Variants in DHTKD1 observed in about 807,000 individuals in gnomAD.
The protein encoded by DHTKD1 is 2-oxoadipate dehydrogenase complex component E1.
DHTKD1 carries 78 observed loss-of-function variants against 101.8 expected under a neutral mutation model. The ratio of observed to expected loss-of-function variants is 0.77; its 90% CI spans 0.64 to 0.93. The LOEUF (loss-of-function observed/expected upper bound fraction) is 0.93, where lower values mean the gene tolerates loss of function less well. Ranked by LOEUF, DHTKD1 falls within the 40% of genes least tolerant of loss-of-function variation. The pLI, the probability that DHTKD1 is intolerant of heterozygous loss-of-function variation, is 0.00. For missense variants in DHTKD1, 1,223 were observed against 1,161.7 expected (o/e 1.05, Z -0.77); for synonymous variants, 462 against 450.3 (o/e 1.03, Z -0.33).
intron 7 of DHTKD1, among the ~76,000 whole-genome samples, chr10:12,094,992 A>G (rs1833047329): frequency 6.6e-6 from 1 of 152,182 alleles, no homozygotes; most frequent in Non-Finnish European, 1.5e-5. Flanking sequence ...AAAAAGGGCA[A>G]TAGAAAACTC....
Position 12,113,058 on chromosome 10 carries a change from G to GCTC in DHTKD1, c.2315_2317dup (p.Leu772dup), listed in dbSNP as rs753293273. On this transcript the variant is annotated inframe_insertion, in exon 13 of 17. Transcript: ENST00000263035. ...TTGCTTCCCCTAAGATGTTACTCAGGCTCCCGGTAAGCAGAAGGTGGTGAA... is the reference window on the plus strand; with the variant it reads ...TTGCTTCCCCTAAGATGTTACTCAGGCTCCTCCCGGTAAGCAGAAGGTGGTGAA... 6.2e-7 allele frequency: 1 copy of GCTC among 1,604,450 alleles called. No individual in the cohort carries two copies. Among genetic ancestry groups the GCTC allele is most frequent in the Middle Eastern group, 1.7e-4 (1 of 6,022 alleles).
chr10:12,101,077 C>T lies in DHTKD1; in HGVS notation c.1792C>T (p.Arg598Cys), dbSNP rs375292909. 9 of 1,613,870 alleles carry T rather than the reference C, an allele frequency of 5.6e-6. No individual in the cohort carries two copies. The highest frequency in any genetic ancestry group is 5.3e-5 in the African/African-American group (4 of 74,850). ...NVRLSGQDVG[R>C]GTFSQRHAIV... ...TCGTCTAAGTGGCCAAGATGTTGGT[C>T]GTGGAACTTTCAGTCAGAGGCATGC... Residue 598 changes from arginine (R) to cysteine (C), a missense_variant, in exon 10 of 17, where the codon CGT becomes TGT. Physicochemically the swap from Arg to Cys is radical, Grantham distance 180. Transcript: ENST00000263035.
intron 7 of DHTKD1, among the ~76,000 whole-genome samples, chr10:12,096,489 G>C (rs12218181): frequency 1.3e-5 from 2 of 152,048 alleles, no homozygotes; most frequent in African/African-American, 4.8e-5. Context: ...GGGCTCAAGC[G>C]ATCCTCCCGC....
chr10:12,118,613 A>G, intron 14 of DHTKD1, 136 bp from the exon 15 acceptor site: 1 of 486,660 alleles, frequency 2.1e-6, no homozygotes, highest in East Asian at 3.3e-5. Flanking sequence ...TGATTTCCTG[A>G]CCTCGTGATC....
At chr10:12,076,183 G>A (rs887871124) in intron 1 of DHTKD1, among the ~76,000 whole-genome samples, 13 of 152,180 alleles carry the variant, frequency 8.5e-5, no homozygotes, top group African/African-American at 2.4e-4. Context: ...GGCTGCATTC[G>A]AAAGAGCTTT....
At chr10:12,101,686 C>T (rs566356230) in intron 10 of DHTKD1, among the ~76,000 whole-genome samples, 2 of 152,292 alleles carry the variant, frequency 1.3e-5, no homozygotes, top group East Asian at 3.9e-4. Context: ...TCACTGCAAC[C>T]TCCACCTCCC....
intron 12 of DHTKD1, 130 bp from the exon 13 acceptor site, chr10:12,112,770 T>C: frequency 1.1e-6 from 1 of 882,322 alleles, no homozygotes; most frequent in Non-Finnish European, 1.7e-6. Flanking sequence ...GATATTTTTC[T>C]GTAATGTTGG....
intron 6 of DHTKD1, 81 bp downstream of exon 6, chr10:12,091,765 G>A (rs1389255855): frequency 3.5e-6 from 4 of 1,129,808 alleles, no homozygotes; most frequent in Admixed American, 2.3e-5. Context: ...ACAGAACAAT[G>A]AGCCTCACTG....
intron 6 of DHTKD1, 122 bp downstream of exon 6, chr10:12,091,806 T>G: frequency 5.1e-5 from 33 of 646,056 alleles, no homozygotes; most frequent in Non-Finnish European, 7.3e-5. Context: ...ATTAATTAAT[T>G]AATTAATTAA....
chr10:12,116,580 G>A (rs774737648), intron 13 of DHTKD1, among the ~76,000 whole-genome samples: 4 of 151,442 alleles, frequency 2.6e-5, no homozygotes, highest in Non-Finnish European at 4.4e-5. Context: ...TAGTAGAGAC[G>A]GGGTTTCACC....
chr10:12,080,836 A>T (rs116609553), intron 1 of DHTKD1, among the ~76,000 whole-genome samples: 1 of 151,982 alleles, frequency 6.6e-6, no homozygotes, highest in African/African-American at 2.4e-5. Flanking sequence ...AGAGGCCAAG[A>T]TGAGTGAATC....
rs1322180469 is a variant in DHTKD1 at position 12,120,188 on chromosome 10, T to G, written c.2579T>G (p.Ile860Ser). The G allele has an allele frequency of 6.2e-7, 1 of 1,613,568 alleles. No homozygotes were observed. Among genetic ancestry groups the G allele is most frequent in the East Asian group, 2.2e-5 (1 of 44,862 alleles). The change falls in exon 16 of 17, where the codon ATT becomes AGT. Residue 860 changes from isoleucine to serine, a missense_variant. By Grantham distance (142) the Ile-to-Ser change is moderately radical. Coordinates refer to ENST00000263035, the MANE Select transcript of DHTKD1 (RefSeq NM_018706.7). ...AGAATTTCTTCTCTCATAGATCATA[T>G]TTGGAGTCAGGAGGAACCTCAGAAC... ...MSKYKHVKDHIWSQEEPQNMG... is the reference protein window; with the variant it reads ...MSKYKHVKDHSWSQEEPQNMG...
chr10:12,069,149 A>C lies in DHTKD1; in HGVS notation c.116A>C (p.Glu39Ala), dbSNP rs1426707768. The stretch of plus-strand genomic sequence containing the variant: ...TACGGCTACCGGCCGAGGAAGCCCG[A>C]GAGCCGCGAGCCCCAGGGCGCCCTG... ...GVYGYRPRKP[E>A]SREPQGALER... is the part of the protein sequence containing the mutation. The change falls in exon 1 of 17, where the codon GAG becomes GCG. Residue 39 changes from glutamate to alanine, a missense_variant. Physicochemically the swap from Glu to Ala is moderately radical, Grantham distance 107. Transcript: ENST00000263035. 6.4e-7 allele frequency: 1 copy of C among 1,572,558 alleles called. No homozygotes were observed. Among genetic ancestry groups the C allele is most frequent in the African/African-American group, 1.4e-5 (1 of 73,480 alleles).
chr10:12,081,690 G>A (rs1021626029), intron 2 of DHTKD1, 63 bp downstream of exon 2: 15 of 1,588,900 alleles, frequency 9.4e-6, no homozygotes, highest in Non-Finnish European at 1.2e-5. Context: ...TCCTGCCTCT[G>A]TTCTTGAAGA....
At chr10:12,109,501 T>G (rs766193334) in intron 12 of DHTKD1, among the ~76,000 whole-genome samples, 88 of 149,714 alleles carry the variant, frequency 5.9e-4, no homozygotes, top group Non-Finnish European at 1.1e-3. Flanking sequence ...CTGGAAGAAG[T>G]CATCGAAGCA....
At position 12,113,030 on chromosome 10, in the gene DHTKD1, T is replaced by C. The variant is rs773205356; in HGVS notation, c.2285T>C (p.Ile762Thr). The change falls in exon 13 of 17, where the codon ATT (isoleucine) becomes ACT (threonine). Residue 762 changes from isoleucine to threonine, a missense_variant. Transcript: ENST00000263035. ...QMVRNFRKPLIVASPKMLLRL... is the reference protein window; with the variant it reads ...QMVRNFRKPLTVASPKMLLRL... ...GTCCGGAACTTCAGAAAACCACTCATTGTTGCTTCCCCTAAGATGTTACTC... is the reference window on the plus strand; with the variant it reads ...GTCCGGAACTTCAGAAAACCACTCACTGTTGCTTCCCCTAAGATGTTACTC... The C allele has an allele frequency of 1.2e-5, 19 of 1,613,254 alleles. No homozygotes were observed. The East Asian group carries it at 2.2e-4, about 19-fold the overall frequency.
chr10:12,071,371 C>T (rs924744570), intron 1 of DHTKD1, among the ~76,000 whole-genome samples: 11 of 152,220 alleles, frequency 7.2e-5, no homozygotes, highest in African/African-American at 2.4e-4. Flanking sequence ...AGTTAGGAAT[C>T]GTAGCAGTCT....
At chr10:12,076,213 C>T (rs1234038845) in intron 1 of DHTKD1, among the ~76,000 whole-genome samples, 3 of 152,232 alleles carry the variant, frequency 2.0e-5, no homozygotes, top group East Asian at 3.8e-4. Context: ...TGCGGTGGCT[C>T]ACGCCTGTAA....
Position 12,069,061 on chromosome 10 carries a change from C to T in DHTKD1, c.28C>T (p.Arg10Ter). Residue 10 changes from arginine to a stop codon, truncating the protein, a stop_gained, in exon 1 of 17, where the codon CGA becomes TGA. Transcript: ENST00000263035. LOFTEE classifies it high-confidence loss of function. MASATAAAA[R>*]RGLGRALPLF... ...GGCCTCTGCTACTGCGGCAGCAGCA[C>T]GACGGGGCCTCGGCCGGGCTCTCCC... The T allele has an allele frequency of 1.2e-6, 2 of 1,613,140 alleles. No homozygotes were observed. The highest frequency in any genetic ancestry group is 1.7e-6 in the Non-Finnish European group (2 of 1,179,620).
Sources: allele counts gnomAD v4.1 joint callset (sites outside exome capture counted in the v4.1 genomes callset), GRCh38; gene constraint gnomAD v4.1.1; transcripts MANE v1.5; gene names NCBI Gene and HGNC (gene_info 2026-07-23, HGNC 2026-07-21).